TAFA2: variants seen among roughly 807,000 people sequenced by gnomAD.
TAFA2 encodes the protein TAFA chemokine like family member 2.
Under a neutral mutation model 18.8 loss-of-function variants are expected in TAFA2, and 7 were observed. That is an observed-to-expected ratio of 0.37 (90% CI 0.21 to 0.70). The LOEUF (loss-of-function observed/expected upper bound fraction) is 0.70. Ranked by LOEUF, TAFA2 falls within the 30% of genes least tolerant of loss-of-function variation. TAFA2 has a pLI of 0.53. For synonymous variants in TAFA2, 60 were observed against 54.2 expected (o/e 1.11, Z -0.47); for missense variants, 122 against 158.1 (o/e 0.77, Z 1.23).
chr12:61,935,554 T>C (rs1877727408), intron 1 of TAFA2, among the ~76,000 whole-genome samples: 1 of 152,180 alleles, frequency 6.6e-6, no homozygotes, highest in Non-Finnish European at 1.5e-5. Flanking sequence ...TTATGGAATT[T>C]ATACAAGCTT....
At chr12:61,948,606 C>G (rs1878360719) in intron 1 of TAFA2, among the ~76,000 whole-genome samples, 1 of 152,022 alleles carries the variant, frequency 6.6e-6, no homozygotes, top group African/African-American at 2.4e-5. Context: ...GCAATATATA[C>G]ATAGATTATA....
rs140557181 is a variant in TAFA2, at chr12:61,851,509, G to A, written c.106+15811C>T. On this transcript the variant is annotated intron_variant, in intron 2 of 4. Coordinates refer to ENST00000416284, the MANE Select transcript of TAFA2 (RefSeq NM_178539.5). Reference sequence around the variant, plus strand: ...TTAAGAGTTCTGGCCGGGCGCGGTGGCTCACGCCTGCAATCCCAGCACTTT... The same window carrying A: ...TTAAGAGTTCTGGCCGGGCGCGGTGACTCACGCCTGCAATCCCAGCACTTT... Among the ~76,000 whole-genome samples the A allele has an allele frequency of 6.0e-4, 92 of 152,176 alleles. No individual in the cohort carries two copies. The East Asian group carries it at 0.016, about 27-fold the overall frequency.
intron 1 of TAFA2, among the ~76,000 whole-genome samples, chr12:62,226,474 G>A (rs1357060386): frequency 6.6e-6 from 1 of 152,144 alleles, no homozygotes; most frequent in Non-Finnish European, 1.5e-5. Flanking sequence ...TGGGATTACA[G>A]GCGTGAGCCA....
At chr12:62,174,782 A>G (rs1040263167) in intron 1 of TAFA2, among the ~76,000 whole-genome samples, 1 of 152,210 alleles carries the variant, frequency 6.6e-6, no homozygotes, top group South Asian at 2.1e-4. Context: ...AATCTTCCTC[A>G]TTTTGAATAC....
intron 4 of TAFA2, among the ~76,000 whole-genome samples, chr12:61,744,627 T>A (rs932995227): frequency 6.6e-6 from 1 of 152,110 alleles, no homozygotes; most frequent in Non-Finnish European, 1.5e-5. Flanking sequence ...CAATCATGGC[T>A]TACTGCAGCC....
At chr12:62,128,205 G>C (rs187611080) in intron 1 of TAFA2, among the ~76,000 whole-genome samples, 28 of 152,134 alleles carry the variant, frequency 1.8e-4, no homozygotes, top group African/African-American at 6.7e-4. Context: ...TAGGATTATG[G>C]TTTGAGATAG....
chr12:62,113,688 G>A (rs1869834950), intron 1 of TAFA2, among the ~76,000 whole-genome samples: 1 of 152,262 alleles, frequency 6.6e-6, no homozygotes, highest in East Asian at 1.9e-4. Context: ...GAGATGCCCT[G>A]CCCAGAGAGG....
At chr12:61,806,302 CG>C (rs1344521427) in intron 2 of TAFA2, among the ~76,000 whole-genome samples, 1 of 152,106 alleles carries the variant, frequency 6.6e-6, no homozygotes, top group African/African-American at 2.4e-5. Flanking sequence ...ATGAGTCTCA[CG>C]AGATCTGATG....
intron 2 of TAFA2, among the ~76,000 whole-genome samples, chr12:61,760,553 A>T (rs185290412): frequency 6.6e-6 from 1 of 151,874 alleles, no homozygotes; most frequent in East Asian, 2.0e-4. Flanking sequence ...CTAATTTTTC[A>T]TGTAAACTGC....
intron 1 of TAFA2, among the ~76,000 whole-genome samples, chr12:62,245,217 A>G (rs1176660323): frequency 6.6e-6 from 1 of 152,136 alleles, no homozygotes; most frequent in East Asian, 1.9e-4. Context: ...CTAGTGTCTC[A>G]GCACCACATA....
chr12:61,946,052 A>G (rs1878255965), intron 1 of TAFA2, among the ~76,000 whole-genome samples: 1 of 129,060 alleles, frequency 7.7e-6, no homozygotes, highest in Non-Finnish European at 1.6e-5. Flanking sequence ...CCTGACTTCA[A>G]ACTATACTAC....
intron 2 of TAFA2, among the ~76,000 whole-genome samples, chr12:61,829,930 T>G (rs1444723170): frequency 1.3e-5 from 2 of 151,756 alleles, no homozygotes; most frequent in Non-Finnish European, 1.5e-5. Context: ...AAGCAATTAT[T>G]TTATATCACA....
At chr12:61,886,783 A>G (rs1309989516) in intron 1 of TAFA2, among the ~76,000 whole-genome samples, 2 of 152,178 alleles carry the variant, frequency 1.3e-5, no homozygotes, top group Admixed American at 6.5e-5. Flanking sequence ...AGTATGGTTC[A>G]TGAATTGGGG....
In TAFA2 at chr12:61,788,209, TATC is replaced by T. The variant is rs1332278340; in HGVS notation, c.107-33188_107-33186del. On this transcript the variant is annotated intron_variant, in intron 2 of 4. Coordinates refer to ENST00000416284, the MANE Select transcript of TAFA2 (RefSeq NM_178539.5). ...GGACCACCCAAATATAGAGAGGAAA[TATC>T]ATTAAATCTAAATGGAGAGACAGAC... Among the ~76,000 whole-genome samples the T allele has an allele frequency of 2.0e-5, 3 of 148,212 alleles. No homozygotes were observed. The East Asian group carries it at 6.2e-4, about 31-fold the overall frequency.
At chr12:62,222,514 T>G (rs2062767394) in intron 1 of TAFA2, among the ~76,000 whole-genome samples, 1 of 151,850 alleles carries the variant, frequency 6.6e-6, no homozygotes, top group African/African-American at 2.4e-5. Context: ...TTATTATTAT[T>G]ATTATTATTT....
chr12:61,854,099 T>A (rs1355540848), intron 2 of TAFA2, among the ~76,000 whole-genome samples: 1 of 152,112 alleles, frequency 6.6e-6, no homozygotes, highest in Non-Finnish European at 1.5e-5. Context: ...TATCAATTAT[T>A]TGAGGAAAGC....
Position 61,736,001 on chromosome 12 carries a change from G to A in TAFA2, c.384+17621C>T, listed in dbSNP as rs1018992497. 6.6e-5 allele frequency among the ~76,000 whole-genome samples: 10 copies of A among 151,956 alleles called. No homozygotes were observed. In the South Asian group the frequency reaches 1.7e-3, roughly 25 times the overall value. Reference sequence around the variant, plus strand: ...AAGTGATTCAGACTGAGCCCTGTGAGGGCTGTTCTACTTTTAATTCCCTCT... The same window carrying A: ...AAGTGATTCAGACTGAGCCCTGTGAAGGCTGTTCTACTTTTAATTCCCTCT... On this transcript the variant is annotated intron_variant, in intron 4 of 4. Transcript: ENST00000416284.
At chr12:61,988,210 C>A (rs915386871) in intron 1 of TAFA2, among the ~76,000 whole-genome samples, 2 of 152,148 alleles carry the variant, frequency 1.3e-5, no homozygotes, top group Non-Finnish European at 1.5e-5. Flanking sequence ...GAAATTATTG[C>A]CTTGTCGGTT....
chr12:62,010,975 G>A lies in TAFA2; in HGVS notation c.-1-143549C>T, dbSNP rs537704005. ...GCCGCCCTTCGTCTGGGAGGTGGGG[G>A]GCGCCTCTGCCCGGCCACCCCGTCT... On this transcript the variant is annotated intron_variant, in intron 1 of 4. Transcript: ENST00000416284. Among the ~76,000 whole-genome samples, 13 of 98,378 alleles carry A rather than the reference G, an allele frequency of 1.3e-4. 1 individual carries two copies. The highest frequency in any genetic ancestry group is 5.3e-4 in the African/African-American group (11 of 20,846). The allele number at this position is 98,378 out of a possible 152,430, so 64.5% of individuals were successfully genotyped here. A position where few individuals can be genotyped will look rare whatever the true frequency, so the allele number is the denominator to read the frequency against.
Sources: allele counts gnomAD v4.1 joint callset (sites outside exome capture counted in the v4.1 genomes callset), GRCh38; gene constraint gnomAD v4.1.1; transcripts MANE v1.5; gene names NCBI Gene and HGNC (gene_info 2026-07-23, HGNC 2026-07-21).